Variants in POLR2B observed in about 807,000 individuals in gnomAD.
The protein encoded by POLR2B is RNA polymerase II subunit B.
A neutral mutation model predicts 144.6 loss-of-function variants in POLR2B; 57 were observed. That is an observed-to-expected ratio of 0.39 (90% confidence interval 0.32 to 0.49). The LOEUF (loss-of-function observed/expected upper bound fraction) is 0.49, where lower values mean the gene tolerates loss of function less well. Among genes scored for constraint, POLR2B ranks in the 20% least tolerant of loss-of-function variants. POLR2B has a pLI of 0.83. For synonymous variants in POLR2B, 442 were observed against 469.8 expected (o/e 0.94, Z 0.77); for missense variants, 595 against 1,467.4 (o/e 0.41, Z 9.71).
At chr4:57,025,939 A>ATT (rs34153704) in intron 23 of POLR2B, among the ~76,000 whole-genome samples, 4 of 150,526 alleles carry the variant, frequency 2.7e-5, no homozygotes, top group African/African-American at 9.7e-5. Flanking sequence ...TAAAAAAAAA[A>ATT]TTTTTTTTTT....
At chr4:56,979,998 C>T (rs919778154) in intron 1 of POLR2B, among the ~76,000 whole-genome samples, 2 of 151,934 alleles carry the variant, frequency 1.3e-5, no homozygotes, top group African/African-American at 4.8e-5. Context: ...TCTTATAGCT[C>T]TCAATTCCTT....
At chr4:57,011,560 C>G (rs912679507) in intron 13 of POLR2B, among the ~76,000 whole-genome samples, 4 of 151,864 alleles carry the variant, frequency 2.6e-5, no homozygotes, top group Non-Finnish European at 5.9e-5. Flanking sequence ...CATGGTGGCT[C>G]ACGCCTGTAA....
chr4:57,023,533 G>A lies in POLR2B; in HGVS notation c.2719G>A (p.Val907Ile). The A allele has an allele frequency of 6.2e-7, 1 of 1,613,888 alleles. No homozygotes were observed. Among genetic ancestry groups the A allele is most frequent in the Non-Finnish European group, 8.5e-7 (1 of 1,179,794 alleles). Reference protein sequence around the residue: ...RTSETGIVDQVMVTLNQEGYK... With the variant: ...RTSETGIVDQIMVTLNQEGYK... Reference sequence around the variant, plus strand: ...TAGCGAGACGGGCATTGTGGATCAGGTTATGGTAACTCTCAATCAGGAAGG... The same window carrying A: ...TAGCGAGACGGGCATTGTGGATCAGATTATGGTAACTCTCAATCAGGAAGG... Residue 907 changes from valine to isoleucine, a missense_variant, in exon 19 of 25, where the codon GTT (valine) becomes ATT (isoleucine). Val to Ile is a conservative substitution (Grantham distance 29, BLOSUM62 3). Around this residue, in one of 9 missense-constraint regions of POLR2B, gnomAD observed 65 missense variants for 282.8 expected, o/e 0.23. Coordinates refer to ENST00000314595, the MANE Select transcript of POLR2B (RefSeq NM_000938.3). The surrounding 1 kb of genome is among the most constrained non-coding windows in gnomAD (Gnocchi z 4.3).
At chr4:57,013,639 A>G (rs1330364423) in intron 13 of POLR2B, among the ~76,000 whole-genome samples, 1 of 151,740 alleles carries the variant, frequency 6.6e-6, no homozygotes, top group East Asian at 1.9e-4. Context: ...CTGGGCCCCA[A>G]CGATCCTCCC....
Position 57,005,532 on chromosome 4 carries a change from A to T in POLR2B, c.1098-68A>T, listed in dbSNP as rs1364919896. 2.0e-6 allele frequency: 3 copies of T among 1,527,462 alleles called. No homozygotes were observed. In the African/African-American group the frequency reaches 4.2e-5, roughly 21 times the overall value. 94.6% of individuals were successfully genotyped at this position (1,527,462 alleles called of 1,614,324 possible). A position where few individuals can be genotyped will look rare whatever the true frequency, so the allele number is the denominator to read the frequency against. Reference sequence around the variant, plus strand: ...GAGTCAAAAATGATGTTTTTAACATATAAATCAAAAAAAAGTCCAAAACTA... The same window carrying T: ...GAGTCAAAAATGATGTTTTTAACATTTAAATCAAAAAAAAGTCCAAAACTA... On this transcript the variant is annotated intron_variant, in intron 8 of 24. Coordinates refer to ENST00000314595, the MANE Select transcript of POLR2B (RefSeq NM_000938.3).
intron 1 of POLR2B, chr4:56,985,463 T>G (rs1722294923): frequency 1.0e-6 from 1 of 984,984 alleles, no homozygotes; most frequent in Non-Finnish European, 1.2e-6. Flanking sequence ...GGGCGGTGAG[T>G]GAGAGGCGGG....
At chr4:57,029,093 G>GT (rs1723825413) in intron 23 of POLR2B, among the ~76,000 whole-genome samples, 1 of 151,880 alleles carries the variant, frequency 6.6e-6, no homozygotes, top group Non-Finnish European at 1.5e-5. Flanking sequence ...TTTGTTTTTT[G>GT]TTTTTTGTAA....
intron 23 of POLR2B, among the ~76,000 whole-genome samples, chr4:57,028,066 T>C (rs1395455242): frequency 1.3e-5 from 2 of 152,246 alleles, no homozygotes; most frequent in East Asian, 3.8e-4. Context: ...TTCTTTTTGT[T>C]CATTTCTTTG....
In POLR2B at chr4:57,024,880, TAAAAGG is replaced by T; in HGVS notation, c.2965-5_2965del. On this transcript the variant is annotated splice_acceptor_variant and splice_polypyrimidine_tract_variant and coding_sequence_variant and intron_variant, in exon 22 of 25. Transcript: ENST00000314595. LOFTEE classifies it high-confidence loss of function. ...ACATTTTAAAGAGTACTTTTTTTTTTAAAAGGTATCGGCTAACAAGGGTGAAATTGG... is the reference window on the plus strand; with the variant it reads ...ACATTTTAAAGAGTACTTTTTTTTTTTATCGGCTAACAAGGGTGAAATTGG... 1 of 1,457,356 alleles carries T rather than the reference TAAAAGG, an allele frequency of 6.9e-7. No individual in the cohort carries two copies. Among genetic ancestry groups the T allele is most frequent in the African/African-American group, 1.4e-5 (1 of 71,448 alleles). 90.3% of individuals were successfully genotyped at this position (1,457,356 alleles called of 1,614,324 possible).
In POLR2B at chr4:57,002,280, C is replaced by T. The variant is rs555148424; in HGVS notation, c.900+2499C>T. The stretch of plus-strand genomic sequence containing the variant: ...CTGAGCTCAAGTGGTTCACCATCCT[C>T]GGGCTCCTGAAGTGCTGGGATTACA... On this transcript the variant is annotated intron_variant, in intron 7 of 24. Coordinates refer to ENST00000314595, the MANE Select transcript of POLR2B (RefSeq NM_000938.3). Among the ~76,000 whole-genome samples, 256 of 152,274 alleles carry T rather than the reference C, an allele frequency of 1.7e-3. 4 individuals carry two copies. The highest frequency in any genetic ancestry group is 4.0e-4 in the Non-Finnish European group (27 of 68,022).
intron 1 of POLR2B, among the ~76,000 whole-genome samples, chr4:56,979,806 G>GGACGATCGCTTGAGCCCA (rs1722097777): frequency 6.6e-6 from 1 of 151,640 alleles, no homozygotes; most frequent in South Asian, 2.1e-4. Context: ...GGCTGAGGCC[G>GGACGATCGCTTGAGCCCA]GACGATCGCT....
intron 21 of POLR2B, among the ~76,000 whole-genome samples, chr4:57,024,388 TTGA>T (rs1723649091): frequency 6.6e-6 from 1 of 152,238 alleles, no homozygotes; most frequent in South Asian, 2.1e-4. Flanking sequence ...AGTTAATTTG[TTGA>T]TGGAGAGTTC....
intron 23 of POLR2B, among the ~76,000 whole-genome samples, chr4:57,028,098 C>T (rs572718102): frequency 4.3e-4 from 65 of 152,262 alleles, no homozygotes; most frequent in African/African-American, 1.5e-3. Context: ...TCTACAACAT[C>T]GTCAACTTAA....
chr4:57,016,539 T>C (rs1048515756), intron 14 of POLR2B, among the ~76,000 whole-genome samples: 2 of 151,792 alleles, frequency 1.3e-5, no homozygotes, highest in African/African-American at 4.8e-5. Context: ...AAAGTTTTTG[T>C]GATATATTAA....
chr4:56,991,567 A>G (rs973315821), intron 3 of POLR2B, among the ~76,000 whole-genome samples: 18 of 152,106 alleles, frequency 1.2e-4, no homozygotes, highest in African/African-American at 3.4e-4. Flanking sequence ...AAAGCCCCCA[A>G]AATAGAGCTA....
At chr4:56,990,103 C>T (rs1722466636) in intron 2 of POLR2B, among the ~76,000 whole-genome samples, 1 of 152,182 alleles carries the variant, frequency 6.6e-6, no homozygotes, top group South Asian at 2.1e-4. Flanking sequence ...AATATCACTA[C>T]CCTCCGTCCT....
Position 57,017,124 on chromosome 4 carries a change from A to G in POLR2B, c.2037A>G (p.Pro679=). ...AAACAGTGATGCTTGCAATGACTCCAGATGATTTACAGGAGAAAGAAGTAG... is the reference window on the plus strand; with the variant it reads ...AAACAGTGATGCTTGCAATGACTCCGGATGATTTACAGGAGAAAGAAGTAG... The part of the protein sequence containing the change: ...EEETVMLAMT[P]DDLQEKEVAY... The change falls in exon 15 of 25, where the codon CCA becomes CCG. Residue 679 remains proline, a synonymous_variant. Coordinates refer to ENST00000314595, the MANE Select transcript of POLR2B (RefSeq NM_000938.3). This position sits in a 1 kb window ranked among gnomAD's most constrained non-coding sequence, Gnocchi z 4.8. 5.0e-6 allele frequency: 8 copies of G among 1,611,956 alleles called. No homozygotes were observed. Among genetic ancestry groups the G allele is most frequent in the Admixed American group, 1.7e-5 (1 of 59,824 alleles).
intron 2 of POLR2B, 39 bp downstream of exon 2, chr4:56,986,465 T>C (rs1474543981): frequency 8.0e-7 from 1 of 1,242,536 alleles, no homozygotes. Context: ...GAAAAGGCAC[T>C]TTAGATTTCC....
At position 57,024,852 on chromosome 4, in the gene POLR2B, G is replaced by A. The variant is rs751787478; in HGVS notation, c.2965-34G>A. On this transcript the variant is annotated intron_variant, in intron 21 of 24. Transcript: ENST00000314595. ...GACTTTTAGGGGGAGACAGACTGAA[G>A]CAACATTTTAAAGAGTACTTTTTTT... 1.2e-4 allele frequency: 139 copies of A among 1,117,348 alleles called. 1 individual carries two copies. The East Asian group carries it at 3.4e-3, about 27-fold the overall frequency. The allele number at this position is 1,117,348 out of a possible 1,614,324, so 69.2% of individuals were successfully genotyped here. A position where few individuals can be genotyped will look rare whatever the true frequency, so the allele number is the denominator to read the frequency against.
Sources: gnomAD v4.1 joint callset for allele counts (sites outside exome capture counted in the v4.1 genomes callset) on GRCh38, gnomAD v4.1.1 for gene constraint, gnomAD v4.1.1 regional missense constraint, Gnocchi (gnomAD v3.1) non-coding constraint, MANE v1.5 for transcripts, NCBI Gene and HGNC (gene_info 2026-07-23, HGNC 2026-07-21) for gene names.